Variants in DCC observed in about 807,000 individuals in gnomAD.
The protein encoded by DCC is netrin receptor DCC.
In DCC, 58 loss-of-function variants were observed where a neutral mutation model predicts 172.5. The ratio of observed to expected loss-of-function variants is 0.34; its 90% CI spans 0.27 to 0.42. DCC has a LOEUF of 0.42. Among genes scored for constraint, DCC ranks in the 10% least tolerant of loss-of-function variants. The probability of loss-of-function intolerance (pLI) is 1.00; values close to 1 mark genes in which losing one functional copy is unlikely to be tolerated. For synonymous variants in DCC, 709 were observed against 644.5 expected, an observed-to-expected ratio of 1.10 and a Z score of -1.52; for missense variants, 1,740 against 1,791.0, an observed-to-expected ratio of 0.97 and a Z score of 0.51.
At chr18:53,237,954 C>T (rs533534256) in intron 12 of DCC, among the ~76,000 whole-genome samples, 1 of 152,196 alleles carries the variant, frequency 6.6e-6, no homozygotes, top group East Asian at 1.9e-4. Flanking sequence ...ATCTTCAAAT[C>T]TATTACTTAC....
chr18:53,388,791 T>C (rs768601631), intron 16 of DCC, among the ~76,000 whole-genome samples: 13 of 152,166 alleles, frequency 8.5e-5, no homozygotes, highest in Non-Finnish European at 8.8e-5. Context: ...ATTTTTAAAG[T>C]TCATTTTTTT....
intron 15 of DCC, among the ~76,000 whole-genome samples, chr18:53,379,378 C>T (rs1195355837): frequency 6.6e-6 from 1 of 152,316 alleles, no homozygotes; most frequent in South Asian, 2.1e-4. Flanking sequence ...CTGGCACATG[C>T]CACTGGCATT....
intron 15 of DCC, among the ~76,000 whole-genome samples, chr18:53,348,208 A>G (rs955355677): frequency 2.0e-4 from 31 of 152,208 alleles, no homozygotes; most frequent in African/African-American, 2.9e-4. Flanking sequence ...AGGGACAGAC[A>G]TCGGGTAAAT....
intron 7 of DCC, among the ~76,000 whole-genome samples, chr18:53,066,973 C>G (rs1380055490): frequency 1.3e-5 from 2 of 151,874 alleles, no homozygotes; most frequent in Non-Finnish European, 2.9e-5. Context: ...TTTAAACAAC[C>G]AGATCTCATG....
At chr18:53,449,652 C>T (rs2045381379) in intron 22 of DCC, among the ~76,000 whole-genome samples, 2 of 152,176 alleles carry the variant, frequency 1.3e-5, no homozygotes, top group African/African-American at 2.4e-5. Flanking sequence ...CTCTCTCGTT[C>T]TTGTCACTCA....
At chr18:52,688,165 CTT>C (rs1288911511) in intron 1 of DCC, among the ~76,000 whole-genome samples, 6 of 150,044 alleles carry the variant, frequency 4.0e-5, no homozygotes. Flanking sequence ...TTAACAATGA[CTT>C]TTGCCTTGAG....
chr18:52,870,309 G>A (rs1598884554), intron 2 of DCC, among the ~76,000 whole-genome samples: 1 of 152,110 alleles, frequency 6.6e-6, no homozygotes, highest in African/African-American at 2.4e-5. Flanking sequence ...GGGACATGGG[G>A]CACAGGGGAC....
intron 1 of DCC, among the ~76,000 whole-genome samples, chr18:52,744,356 T>G (rs964321583): frequency 6.6e-6 from 1 of 152,200 alleles, no homozygotes; most frequent in African/African-American, 2.4e-5. Flanking sequence ...TTCCCTATAT[T>G]TTAATGATCC....
At chr18:53,406,456 G>T (rs62100028) in intron 19 of DCC, among the ~76,000 whole-genome samples, 63,867 of 151,158 alleles carry the variant, frequency 0.42, 15,252 homozygotes, top group Non-Finnish European at 0.55. Flanking sequence ...TGTAGTCCCA[G>T]CACTTTGAGA....
At chr18:52,525,544 T>A (rs192852474) in intron 1 of DCC, among the ~76,000 whole-genome samples, 3 of 152,302 alleles carry the variant, frequency 2.0e-5, no homozygotes, top group Admixed American at 2.0e-4. Flanking sequence ...TTGGGATGAG[T>A]AGTTGTAAGA....
At chr18:53,398,849 A>G (rs1341764559) in intron 18 of DCC, among the ~76,000 whole-genome samples, 1 of 152,170 alleles carries the variant, frequency 6.6e-6, no homozygotes, top group East Asian at 1.9e-4. Flanking sequence ...CAAAGGTGTA[A>G]ATAGCACATG....
intron 2 of DCC, among the ~76,000 whole-genome samples, chr18:52,875,986 A>G (rs2039398110): frequency 6.6e-6 from 1 of 152,054 alleles, no homozygotes; most frequent in Non-Finnish European, 1.5e-5. Flanking sequence ...AGAAGAACAC[A>G]CTTTAAAATA....
intron 26 of DCC, among the ~76,000 whole-genome samples, chr18:53,490,140 G>A (rs946417957): frequency 1.3e-5 from 2 of 152,180 alleles, no homozygotes; most frequent in East Asian, 1.9e-4. Context: ...TCCCTCAAAT[G>A]GGAAATCAAC....
At chr18:53,026,176 G>T (rs2041953116) in intron 5 of DCC, among the ~76,000 whole-genome samples, 1 of 151,960 alleles carries the variant, frequency 6.6e-6, no homozygotes, top group African/African-American at 2.4e-5. Flanking sequence ...GGAAGATATT[G>T]ATATTTAATT....
At chr18:53,222,406 A>G (rs1264270223) in intron 12 of DCC, among the ~76,000 whole-genome samples, 1 of 117,816 alleles carries the variant, frequency 8.5e-6, no homozygotes, top group Admixed American at 1.0e-4. Flanking sequence ...TTTTTTTGAA[A>G]TGGAGTCTTG....
Position 53,288,135 on chromosome 18 carries a change from A to C in DCC, c.1912-17443A>C, listed in dbSNP as rs557336249. ...CTTTTAGAAAAACTGTGTTTGGAGC[A>C]ATTATTTAGATTCTTATTGTGCATA... On this transcript the variant is annotated intron_variant, in intron 12 of 28. Transcript: ENST00000442544. Among the ~76,000 whole-genome samples the C allele has an allele frequency of 4.9e-4, 75 of 152,242 alleles. 1 individual carries two copies. Among genetic ancestry groups the C allele is most frequent in the South Asian group, 4.4e-3 (21 of 4,826 alleles).
At chr18:52,394,191 C>T (rs758873037) in intron 1 of DCC, among the ~76,000 whole-genome samples, 2 of 152,076 alleles carry the variant, frequency 1.3e-5, no homozygotes, top group Non-Finnish European at 2.9e-5. Context: ...CCTCGTCTTT[C>T]TATTGCTGTG....
chr18:53,080,565 A>G (rs1170140442), intron 7 of DCC, among the ~76,000 whole-genome samples: 5 of 152,156 alleles, frequency 3.3e-5, no homozygotes, highest in East Asian at 1.9e-4. Flanking sequence ...TATAATCAAA[A>G]TAGGCAAAAC....
chr18:52,602,956 C>A (rs2034049266), intron 1 of DCC, among the ~76,000 whole-genome samples: 1 of 152,000 alleles, frequency 6.6e-6, no homozygotes, highest in South Asian at 2.1e-4. Context: ...GATAGACGGG[C>A]TTTTCCTACC....
Sources: allele counts gnomAD v4.1 joint callset (sites outside exome capture counted in the v4.1 genomes callset), GRCh38; gene constraint gnomAD v4.1.1; transcripts MANE v1.5; gene names NCBI Gene and HGNC (gene_info 2026-07-23, HGNC 2026-07-21).